The following SART1 variants were observed in gnomAD, a reference collection of about 807,000 sequenced individuals.
The protein encoded by SART1 is U4/U6.U5 tri-snRNP-associated protein 1.
Under a neutral mutation model 105.0 loss-of-function variants are expected in SART1, and 28 were observed. The observed-to-expected ratio is 0.27, with a 90% CI of 0.20 to 0.37. The LOEUF (loss-of-function observed/expected upper bound fraction) is 0.37, where lower values mean the gene tolerates loss of function less well. Ranked by LOEUF, SART1 falls within the 10% of genes least tolerant of loss-of-function variation. The probability of loss-of-function intolerance (pLI) is 1.00; values close to 1 mark genes in which losing one functional copy is unlikely to be tolerated. For synonymous variants in SART1, 472 were observed against 462.9 expected, an observed-to-expected ratio of 1.02 and a Z score of -0.25; for missense variants, 894 against 1,106.5, an observed-to-expected ratio of 0.81 and a Z score of 2.72.
intron 12 of SART1, among the ~76,000 whole-genome samples, chr11:65,970,024 C>T (rs1053610863): frequency 6.6e-6 from 1 of 152,186 alleles, no homozygotes; most frequent in African/African-American, 2.4e-5. Flanking sequence ...ACCCGGCCAC[C>T]TAGAAGGTTT....
rs749368512 is a variant in SART1, at chr11:65,967,661, C to T, written c.1430-18C>T. 6.9e-6 allele frequency: 11 copies of T among 1,582,942 alleles called. No homozygotes were observed. Among genetic ancestry groups the T allele is most frequent in the Non-Finnish European group, 9.4e-6 (11 of 1,164,684 alleles). ...TGGAGGAGATGGTCTGAGCAGGCAT[C>T]CCCTGTGTTTCCCCCAGAGGAAGGT... is the stretch of plus-strand genomic sequence containing the variant. On this transcript the variant is annotated intron_variant, in intron 11 of 19. Coordinates refer to ENST00000312397, the MANE Select transcript of SART1 (RefSeq NM_005146.5).
rs1855544680 is a variant in SART1, at chr11:65,979,280, G to A, written c.*250G>A. 4 of 597,550 alleles carry A rather than the reference G, an allele frequency of 6.7e-6. No homozygotes were observed. Among genetic ancestry groups the A allele is most frequent in the Non-Finnish European group, 1.2e-5 (4 of 336,874 alleles). The allele number at this position is 597,550 out of a possible 1,614,324, so 37.0% of individuals were successfully genotyped here. ...CTGGCTGTCGGTCACACCTCTGCAG[G>A]GCCGGCTCTCTGATAGAAAGTGGAA... On this transcript the variant is annotated 3_prime_UTR_variant, in exon 20 of 20. Transcript: ENST00000312397.
rs1855555376 is a variant in SART1, at chr11:65,979,938, C to T, written c.*908C>T. 6.6e-6 allele frequency: 1 copy of T among 152,026 alleles called. No homozygotes were observed. Among genetic ancestry groups the T allele is most frequent in the Non-Finnish European group, 1.5e-5 (1 of 68,014 alleles). The allele number at this position is 152,026 out of a possible 1,614,324, so 9.4% of individuals were successfully genotyped here. A position where few individuals can be genotyped will look rare whatever the true frequency, so the allele number is the denominator to read the frequency against. The stretch of plus-strand genomic sequence containing the variant: ...GACCAACCTGAGTAAGGTGGCAAAA[C>T]CCCATCTCTACCAAAAATACAAAGA... On this transcript the variant is annotated 3_prime_UTR_variant, in exon 20 of 20. Coordinates refer to ENST00000312397, the MANE Select transcript of SART1 (RefSeq NM_005146.5).
rs542717851 is a variant in SART1, at chr11:65,973,198, AGTTTTTT to A, written c.1573-3182_1573-3176del. Among the ~76,000 whole-genome samples, 41 of 152,300 alleles carry A rather than the reference AGTTTTTT, an allele frequency of 2.7e-4. No homozygotes were observed. The East Asian group carries it at 7.3e-3, about 27-fold the overall frequency. On this transcript the variant is annotated intron_variant, in intron 12 of 19. Coordinates refer to ENST00000312397, the MANE Select transcript of SART1 (RefSeq NM_005146.5). Reference sequence around the variant, plus strand: ...CAAAAAAAAAGAAATTGAGAACGTAAGTTTTTTGTTTTTTGTTTTTTTACAAAACATA... The same window carrying A: ...CAAAAAAAAAGAAATTGAGAACGTAAGTTTTTTGTTTTTTTACAAAACATA...
At position 65,976,490 on chromosome 11, in the gene SART1, G is replaced by T; in HGVS notation, c.1668G>T (p.Thr556=). Residue 556 remains threonine (T), a synonymous_variant, in exon 13 of 20, where the codon ACG becomes ACT. Transcript: ENST00000312397. This position sits in a 1 kb window ranked among gnomAD's most constrained non-coding sequence, Gnocchi z 5.1. ...ERKGAIVFNA[T]SEFCRTLGEI... is the part of the protein sequence containing the mutation. ...AGGGGGCCATCGTGTTCAACGCCACGTCCGAGTTCTGCCGCACCTTGGGGG... is the reference window on the plus strand; with the variant it reads ...AGGGGGCCATCGTGTTCAACGCCACTTCCGAGTTCTGCCGCACCTTGGGGG... 1 of 1,582,108 alleles carries T rather than the reference G, an allele frequency of 6.3e-7. No homozygotes were observed. The highest frequency in any genetic ancestry group is 8.6e-7 in the Non-Finnish European group (1 of 1,163,962).
At chr11:65,966,915 G>A (rs970345374) in intron 9 of SART1, among the ~76,000 whole-genome samples, 2 of 152,190 alleles carry the variant, frequency 1.3e-5, no homozygotes, top group South Asian at 2.1e-4. Flanking sequence ...AGAGGTGTGC[G>A]TGGATTCTGT....
intron 1 of SART1, among the ~76,000 whole-genome samples, chr11:65,963,591 C>T (rs963806082): frequency 2.0e-5 from 3 of 152,148 alleles, no homozygotes; most frequent in African/African-American, 7.2e-5. Flanking sequence ...AAGCAATTCT[C>T]CTACCTCAGC....
chr11:65,976,954 TG>T lies in SART1; in HGVS notation c.1858-57del. 7.2e-7 allele frequency: 1 copy of T among 1,391,708 alleles called. No homozygotes were observed. Among genetic ancestry groups the T allele is most frequent in the Non-Finnish European group, 1.0e-6 (1 of 979,006 alleles). 86.2% of individuals were successfully genotyped at this position (1,391,708 alleles called of 1,614,324 possible). Reference sequence around the variant, plus strand: ...CTGGTGCCTGGCAGGTGGTGACCAGTGGGTGGGGCTGAGAAGAGCCGGTATG... The same window carrying T: ...CTGGTGCCTGGCAGGTGGTGACCAGTGGTGGGGCTGAGAAGAGCCGGTATG... On this transcript the variant is annotated intron_variant, in intron 14 of 19. Transcript: ENST00000312397. The surrounding 1 kb of genome is among the most constrained non-coding windows in gnomAD (Gnocchi z 5.1).
At chr11:65,977,712 A>G (rs568396310) in intron 16 of SART1, 52 bp from the exon 17 acceptor site, 2 of 1,613,634 alleles carry the variant, frequency 1.2e-6, no homozygotes, top group African/African-American at 1.3e-5. Flanking sequence ...GAGCTTCGGG[A>G]CCACAGCAGG....
In SART1 at chr11:65,967,834, A is replaced by C; in HGVS notation, c.1572+13A>C. On this transcript the variant is annotated intron_variant, in intron 12 of 19. Transcript: ENST00000312397. ...CAGTGGCGAGAAGGTGAGGCTGGGC[A>C]TGGGCAGGGTGACTGCGTCAGCAGT... 1 of 1,508,248 alleles carries C rather than the reference A, an allele frequency of 6.6e-7. No individual in the cohort carries two copies. Among genetic ancestry groups the C allele is most frequent in the African/African-American group, 1.4e-5 (1 of 71,914 alleles). The allele number at this position is 1,508,248 out of a possible 1,614,324, so 93.4% of individuals were successfully genotyped here. A position where few individuals can be genotyped will look rare whatever the true frequency, so the allele number is the denominator to read the frequency against.
In SART1 at chr11:65,962,225, A is replaced by G. The variant is rs1231391056; in HGVS notation, c.313+132A>G. The G allele has an allele frequency of 1.2e-5, 8 of 679,354 alleles. No homozygotes were observed. The Admixed American group carries it at 2.0e-4, about 17-fold the overall frequency. The allele number at this position is 679,354 out of a possible 1,614,324, so 42.1% of individuals were successfully genotyped here. ...CCAAGCTGTTTACCAGCTCTATTAA[A>G]TAGTCTTTCTACGGGATCCCTTGAG... On this transcript the variant is annotated intron_variant, in intron 1 of 19. Coordinates refer to ENST00000312397, the MANE Select transcript of SART1 (RefSeq NM_005146.5).
At position 65,979,381 on chromosome 11, in the gene SART1, C is replaced by A; in HGVS notation, c.*351C>A. ...ACAGGTCACTGTCCTGTAATGTCTC[C>A]CGGTCAGGGCAGCCCAGGACTGCCC... On this transcript the variant is annotated 3_prime_UTR_variant, in exon 20 of 20. Transcript: ENST00000312397. The A allele has an allele frequency of 2.6e-6, 1 of 382,320 alleles. No individual in the cohort carries two copies. Among genetic ancestry groups the A allele is most frequent in the South Asian group, 2.8e-5 (1 of 35,440 alleles). 23.7% of individuals were successfully genotyped at this position (382,320 alleles called of 1,614,324 possible).
rs1203342846 is a variant in SART1, at chr11:65,972,062, G to T, written c.1572+4241G>T. On this transcript the variant is annotated intron_variant, in intron 12 of 19. Transcript: ENST00000312397. ...CAGTCATTGGGGGTTAGGGCTTCCCGATATGAATTTAGGGGTTACACAATT... is the reference window on the plus strand; with the variant it reads ...CAGTCATTGGGGGTTAGGGCTTCCCTATATGAATTTAGGGGTTACACAATT... Among the ~76,000 whole-genome samples the T allele has an allele frequency of 3.9e-5, 6 of 152,150 alleles. No individual in the cohort carries two copies. The East Asian group carries it at 1.2e-3, about 29-fold the overall frequency.
intron 3 of SART1, 182 bp from the exon 4 acceptor site, chr11:65,964,910 G>A (rs1027713767): frequency 1.3e-6 from 1 of 758,654 alleles, no homozygotes; most frequent in African/African-American, 1.8e-5. Flanking sequence ...AGAGGGTCCT[G>A]TTGTGCTGCA....
chr11:65,980,110 C>A lies in SART1; in HGVS notation c.*1080C>A, dbSNP rs1343413522. 2.0e-5 allele frequency among the ~76,000 whole-genome samples: 3 copies of A among 151,142 alleles called. No individual in the cohort carries two copies. Among genetic ancestry groups the A allele is most frequent in the African/African-American group, 4.9e-5 (2 of 41,098 alleles). On this transcript the variant is annotated 3_prime_UTR_variant, in exon 20 of 20. Transcript: ENST00000312397. The stretch of plus-strand genomic sequence containing the variant: ...CCTAGGTGACAGTCAGACCCTGTCT[C>A]AAAAAAAATAAAAAAAATTTAAAAT...
At chr11:65,963,022 A>C (rs1855177682) in intron 1 of SART1, among the ~76,000 whole-genome samples, 1 of 152,042 alleles carries the variant, frequency 6.6e-6, no homozygotes, top group African/African-American at 2.4e-5. Context: ...TGGGGTTGTC[A>C]AGGTTGATGG....
chr11:65,969,406 G>A (rs771071434), intron 12 of SART1, among the ~76,000 whole-genome samples: 16 of 152,172 alleles, frequency 1.1e-4, no homozygotes, highest in Non-Finnish European at 1.6e-4. Flanking sequence ...TTCTAGCCCC[G>A]TGGATCTCAG....
chr11:65,963,316 A>C (rs958972228), intron 1 of SART1, among the ~76,000 whole-genome samples: 8 of 152,090 alleles, frequency 5.3e-5, no homozygotes, highest in Non-Finnish European at 7.4e-5. Context: ...GATCAAGCAA[A>C]ACCAGAACCG....
At position 65,967,269 on chromosome 11, in the gene SART1, A is replaced by C. The variant is rs190544110; in HGVS notation, c.1199A>C (p.Lys400Thr). Residue 400 changes from lysine (K) to threonine (T), a missense_variant, in exon 10 of 20, where the codon AAA (lysine) becomes ACA (threonine). Around this residue, in one of 2 missense-constraint regions of SART1, gnomAD observed 712 missense variants for 778.2 expected, o/e 0.91. Transcript: ENST00000312397. ...YLTPEEMVTF[K>T]KTKRRVKKIR... ...CCCTCTTCCCTTAAGGTGACCTTTA[A>C]AAAGACCAAGCGGAGGGTGAAGAAA... is the stretch of plus-strand genomic sequence containing the variant. 6.2e-7 allele frequency: 1 copy of C among 1,614,072 alleles called. No homozygotes were observed. The highest frequency in any genetic ancestry group is 8.5e-7 in the Non-Finnish European group (1 of 1,179,962).
Sources: gnomAD v4.1 joint callset for allele counts (sites outside exome capture counted in the v4.1 genomes callset) on GRCh38, gnomAD v4.1.1 for gene constraint, gnomAD v4.1.1 regional missense constraint, Gnocchi (gnomAD v3.1) non-coding constraint, MANE v1.5 for transcripts, NCBI Gene and HGNC (gene_info 2026-07-23, HGNC 2026-07-21) for gene names.